PRORP: variants seen among roughly 807,000 people sequenced by gnomAD.
PRORP encodes the protein mitochondrial ribonuclease P catalytic subunit.
A neutral mutation model predicts 59.4 loss-of-function variants in PRORP; 51 were observed. That is an observed-to-expected ratio of 0.86 (90% CI 0.69 to 1.08). The LOEUF (loss-of-function observed/expected upper bound fraction) is 1.08. Ranked by LOEUF, PRORP falls within the 50% of genes least tolerant of loss-of-function variation. PRORP has a pLI of 0.00. For missense variants in PRORP, 646 were observed against 690.3 expected (o/e 0.94, Z 0.72); for synonymous variants, 231 against 245.6 (o/e 0.94, Z 0.55).
chr14:35,211,446 G>C (rs2049443555), intron 5 of PRORP, among the ~76,000 whole-genome samples: 1 of 152,082 alleles, frequency 6.6e-6, no homozygotes, highest in Non-Finnish European at 1.5e-5. Flanking sequence ...AAGAATGAAT[G>C]ATTCTTGTTT....
chr14:35,226,975 A>T (rs1419832935), intron 5 of PRORP, among the ~76,000 whole-genome samples: 1 of 151,330 alleles, frequency 6.6e-6, no homozygotes, highest in Non-Finnish European at 1.5e-5. Context: ...AGCTCAAGCG[A>T]TCCACCCGCC....
At chr14:35,262,580 T>A (rs970349378) in intron 5 of PRORP, 10 of 711,670 alleles carry the variant, frequency 1.4e-5, no homozygotes, top group Non-Finnish European at 2.6e-5. Context: ...TTCAATCACA[T>A]CAGTGTAGAT....
At chr14:35,231,122 T>G (rs918574961) in intron 5 of PRORP, among the ~76,000 whole-genome samples, 2 of 152,178 alleles carry the variant, frequency 1.3e-5, no homozygotes, top group African/African-American at 4.8e-5. Context: ...TTTTGGAGTT[T>G]GAGCCATGTG....
intron 5 of PRORP, among the ~76,000 whole-genome samples, chr14:35,187,696 C>CT (rs2048773343): frequency 6.6e-6 from 1 of 152,052 alleles, no homozygotes; most frequent in Admixed American, 6.6e-5. Context: ...TTCCAAAGTG[C>CT]TGGGATTACA....
chr14:35,124,639 A>G (rs1428443774), intron 2 of PRORP, among the ~76,000 whole-genome samples: 1 of 150,670 alleles, frequency 6.6e-6, no homozygotes, highest in East Asian at 1.9e-4. Context: ...CTGAAATTAT[A>G]TAGCAGTTTT....
intron 4 of PRORP, among the ~76,000 whole-genome samples, chr14:35,148,869 T>C (rs1223353585): frequency 6.6e-6 from 1 of 152,030 alleles, no homozygotes; most frequent in Non-Finnish European, 1.5e-5. Context: ...TCCACCAGTC[T>C]GTGCCCATAA....
intron 4 of PRORP, among the ~76,000 whole-genome samples, chr14:35,137,841 G>A (rs888753740): frequency 1.4e-5 from 2 of 145,402 alleles, no homozygotes; most frequent in African/African-American, 4.9e-5. Context: ...AGATAGGAAA[G>A]GGAGGAAGGC....
rs905020895 is a variant in PRORP, at chr14:35,123,325, CTT to C, written c.81_82del (p.Tyr28CysfsTer21). ...TACCTTGGGCTAGGCCCAGGGCACT[CTT>C]ATGTCTCGCTGTTTCTGGCAGACCG... On this transcript the variant is annotated frameshift_variant, in exon 2 of 8. Transcript: ENST00000534898. LOFTEE classifies it high-confidence loss of function. The C allele has an allele frequency of 6.2e-7, 1 of 1,613,976 alleles. No homozygotes were observed. Among genetic ancestry groups the C allele is most frequent in the Non-Finnish European group, 8.5e-7 (1 of 1,180,026 alleles).
At chr14:35,134,923 C>T (rs2047335617) in intron 4 of PRORP, among the ~76,000 whole-genome samples, 1 of 152,126 alleles carries the variant, frequency 6.6e-6, no homozygotes, top group Admixed American at 6.5e-5. Context: ...GCACTTTGGC[C>T]CATGGTGGTG....
chr14:35,237,493 G>T (rs1421249980), intron 5 of PRORP, among the ~76,000 whole-genome samples: 1 of 151,942 alleles, frequency 6.6e-6, no homozygotes, highest in Non-Finnish European at 1.5e-5. Flanking sequence ...CCTCCTAACT[G>T]GTTTCTCATC....
At chr14:35,271,365 G>A (rs1405636090) in intron 7 of PRORP, among the ~76,000 whole-genome samples, 1 of 151,598 alleles carries the variant, frequency 6.6e-6, no homozygotes, top group Non-Finnish European at 1.5e-5. Flanking sequence ...CACCATGTTG[G>A]TCAGGCTGGT....
At chr14:35,186,187 A>G (rs1334171890) in intron 5 of PRORP, among the ~76,000 whole-genome samples, 1 of 129,614 alleles carries the variant, frequency 7.7e-6, no homozygotes, top group Non-Finnish European at 1.6e-5. Context: ...GGGTTTTGTC[A>G]TGTTGCCCGG....
intron 5 of PRORP, among the ~76,000 whole-genome samples, chr14:35,258,382 T>G (rs962673414): frequency 6.6e-6 from 1 of 151,944 alleles, no homozygotes; most frequent in Non-Finnish European, 1.5e-5. Context: ...TTAACCCCGA[T>G]GGTAATCAGA....
At chr14:35,144,128 T>G (rs994081752) in intron 4 of PRORP, 2 of 151,640 alleles carry the variant, frequency 1.3e-5, no homozygotes, top group African/African-American at 4.8e-5. Context: ...TTGATCGTGG[T>G]CATGTCAGTG....
chr14:35,175,493 GTGA>G (rs2048425104), intron 4 of PRORP, among the ~76,000 whole-genome samples: 1 of 152,182 alleles, frequency 6.6e-6, no homozygotes, highest in Non-Finnish European at 1.5e-5. Context: ...CTGATGGCCA[GTGA>G]TGATGAGCAT....
At chr14:35,130,497 A>G (rs528338181) in intron 4 of PRORP, among the ~76,000 whole-genome samples, 27 of 135,340 alleles carry the variant, frequency 2.0e-4, no homozygotes, top group Admixed American at 1.4e-3. Flanking sequence ...TTTTTTTTTC[A>G]TTGAGATGGA....
intron 4 of PRORP, among the ~76,000 whole-genome samples, chr14:35,174,812 A>G (rs74778209): frequency 0.061 from 9,026 of 148,266 alleles, 467 homozygotes; most frequent in African/African-American, 0.14. Context: ...GCAGGTTTGT[A>G]TACATGTGCC....
Position 35,270,452 on chromosome 14 carries a change from C to G in PRORP, c.1476C>G (p.His492Gln), listed in dbSNP as rs778915206. ...LLYATLHSGN[H>Q]CRFITRDLMR... Reference sequence around the variant, plus strand: ...ATGCCACACTGCACTCCGGGAATCACTGCAGGTTTATCACAAGAGACCTGA... The same window carrying G: ...ATGCCACACTGCACTCCGGGAATCAGTGCAGGTTTATCACAAGAGACCTGA... Residue 492 changes from histidine to glutamine, a missense_variant, in exon 7 of 8, where the codon CAC (histidine) becomes CAG (glutamine). His to Gln is a conservative substitution (Grantham distance 24). Transcript: ENST00000534898. The G allele has an allele frequency of 1.2e-6, 2 of 1,614,164 alleles. No individual in the cohort carries two copies. Among genetic ancestry groups the G allele is most frequent in the South Asian group, 2.2e-5 (2 of 91,088 alleles).
intron 4 of PRORP, among the ~76,000 whole-genome samples, chr14:35,142,035 C>T (rs545049386): frequency 2.1e-5 from 3 of 145,344 alleles, no homozygotes; most frequent in Admixed American, 7.2e-5. Flanking sequence ...CCTGCAACCA[C>T]GCCCAGCTAA....
Sources: gnomAD v4.1 joint callset for allele counts (sites outside exome capture counted in the v4.1 genomes callset) on GRCh38, gnomAD v4.1.1 for gene constraint, MANE v1.5 for transcripts, NCBI Gene and HGNC (gene_info 2026-07-23, HGNC 2026-07-21) for gene names.